QPRT: variants seen among roughly 807,000 people sequenced by gnomAD.
The protein encoded by QPRT is nicotinate-nucleotide pyrophosphorylase [carboxylating].
In QPRT, 17 loss-of-function variants were observed where a neutral mutation model predicts 19.8. The ratio of observed to expected loss-of-function variants is 0.86; its 90% CI spans 0.59 to 1.29. QPRT has a LOEUF of 1.29. Among genes scored for constraint, QPRT ranks in the 50% most tolerant of loss-of-function variants. The pLI is 0.00. For missense variants in QPRT, 336 were observed against 405.1 expected (o/e 0.83, Z 1.46); for synonymous variants, 178 against 191.0 (o/e 0.93, Z 0.56).
intron 1 of QPRT, among the ~76,000 whole-genome samples, chr16:29,680,956 T>A (rs62059025): frequency 0.37 from 55,585 of 151,298 alleles, 10,470 homozygotes; most frequent in Middle Eastern, 0.49. Flanking sequence ...AAAAGGAAAA[T>A]AAATAGTTCC....
rs757852504 is a variant in QPRT at position 29,695,026 on chromosome 16, A to AG, written c.382dup (p.Ala128GlyfsTer46). On this transcript the variant is annotated frameshift_variant, in exon 2 of 4. Transcript: ENST00000395384. LOFTEE classifies it high-confidence loss of function. ...TGCCGCCGCTGCAGTGGAGGCCGCC[A>AG]GGGGGGCCGGCTGGACTGGGCACGT... The AG allele has an allele frequency of 4.4e-6, 7 of 1,604,986 alleles. No homozygotes were observed. In the African/African-American group the frequency reaches 9.3e-5, roughly 21 times the overall value.
In QPRT at chr16:29,698,002, AAGAAAGAG is replaced by A. The variant is rs1218575146; in HGVS notation, c.*603_*610del. The A allele has an allele frequency of 1.3e-5, 2 of 150,594 alleles. No homozygotes were observed. The highest frequency in any genetic ancestry group is 2.4e-5 in the African/African-American group (1 of 41,046). The allele number at this position is 150,594 out of a possible 1,614,324, so 9.3% of individuals were successfully genotyped here. On this transcript the variant is annotated 3_prime_UTR_variant, in exon 4 of 4. Transcript: ENST00000395384. ...CTGTCTCCAAAGAAGAAACAAAGGA[AAGAAAGAG>A]AGAAAGAGAGAGGGAGGGAGGGAGG...
At chr16:29,690,176 C>A (rs1178447854) in intron 1 of QPRT, among the ~76,000 whole-genome samples, 1 of 152,212 alleles carries the variant, frequency 6.6e-6, no homozygotes, top group Non-Finnish European at 1.5e-5. Context: ...TGGCCTCCAG[C>A]GCCATCCATG....
At position 29,679,748 on chromosome 16, in the gene QPRT, G is replaced by T. The variant is rs1232223973; in HGVS notation, c.13+538G>T. On this transcript the variant is annotated intron_variant, in intron 1 of 3. Coordinates refer to ENST00000395384, the MANE Select transcript of QPRT (RefSeq NM_014298.6). Reference sequence around the variant, plus strand: ...GAGAAAAGACAAGTTAAGATTTAAAGCAGCCCCAGGGGGCCAGTTGCTAAA... The same window carrying T: ...GAGAAAAGACAAGTTAAGATTTAAATCAGCCCCAGGGGGCCAGTTGCTAAA... Among the ~76,000 whole-genome samples the T allele has an allele frequency of 3.9e-5, 6 of 152,240 alleles. No individual in the cohort carries two copies. In the East Asian group the frequency reaches 9.6e-4, roughly 24 times the overall value.
At chr16:29,688,076 A>G (rs1448677449) in intron 1 of QPRT, among the ~76,000 whole-genome samples, 2 of 152,132 alleles carry the variant, frequency 1.3e-5, no homozygotes, top group Admixed American at 6.6e-5. Flanking sequence ...AAATAGCAAA[A>G]ACATATTGCA....
intron 1 of QPRT, among the ~76,000 whole-genome samples, chr16:29,685,237 G>A (rs915566548): frequency 6.6e-6 from 1 of 152,070 alleles, no homozygotes; most frequent in Non-Finnish European, 1.5e-5. Flanking sequence ...TTGGAAGGCC[G>A]AGGCAGGTGG....
chr16:29,696,894 C>T, intron 2 of QPRT, 102 bp from the exon 3 acceptor site: 1 of 1,351,004 alleles, frequency 7.4e-7, no homozygotes, highest in South Asian at 1.5e-5. Context: ...GCCCCAGCTG[C>T]AGTGCTGGGC....
chr16:29,684,407 T>C (rs2142298502), intron 1 of QPRT, among the ~76,000 whole-genome samples: 1 of 152,314 alleles, frequency 6.6e-6, no homozygotes, highest in South Asian at 2.1e-4. Flanking sequence ...GCGATTCTCC[T>C]GCCTCAGCCT....
intron 1 of QPRT, among the ~76,000 whole-genome samples, chr16:29,690,614 C>T (rs1035011739): frequency 5.3e-5 from 8 of 151,988 alleles, no homozygotes; most frequent in African/African-American, 7.2e-5. Flanking sequence ...TGGGATCATA[C>T]GGCCTTTTGG....
In QPRT at chr16:29,694,955, G is replaced by C; in HGVS notation, c.305G>C (p.Arg102Pro). The C allele has an allele frequency of 6.2e-7, 1 of 1,610,960 alleles. No homozygotes were observed. Among genetic ancestry groups the C allele is most frequent in the Non-Finnish European group, 8.5e-7 (1 of 1,179,656 alleles). ...GCCCACTGCCTGCTGCTGGGGGAAC[G>C]GGTGGCCCTCAACACGCTGGCCCGC... ...GPAHCLLLGE[R>P]VALNTLARCS... Residue 102 changes from arginine (R) to proline (P), a missense_variant, in exon 2 of 4, where the codon CGG becomes CCG. Arg to Pro is a moderately radical substitution (Grantham distance 103). Transcript: ENST00000395384.
chr16:29,693,083 C>T (rs1221069069), intron 1 of QPRT, among the ~76,000 whole-genome samples: 2 of 151,048 alleles, frequency 1.3e-5, no homozygotes, highest in African/African-American at 4.9e-5. Flanking sequence ...AAAAAAATTA[C>T]ATCATAGAGA....
rs546148994 is a variant in QPRT, at chr16:29,686,691, A to G, written c.13+7481A>G. ...TTTTTATTTTTTGTATTTTTAGTAG[A>G]GACGGGGTTTCACCATCTTGGCCAG... On this transcript the variant is annotated intron_variant, in intron 1 of 3. Coordinates refer to ENST00000395384, the MANE Select transcript of QPRT (RefSeq NM_014298.6). Among the ~76,000 whole-genome samples the G allele has an allele frequency of 4.6e-5, 7 of 152,036 alleles. No homozygotes were observed. In the South Asian group the frequency reaches 1.5e-3, roughly 32 times the overall value.
At chr16:29,680,594 G>T (rs771652561) in intron 1 of QPRT, among the ~76,000 whole-genome samples, 104 of 152,266 alleles carry the variant, frequency 6.8e-4, no homozygotes, top group Non-Finnish European at 1.2e-3. Flanking sequence ...ACCATGGGTG[G>T]GTCCTGGCTT....
intron 1 of QPRT, among the ~76,000 whole-genome samples, chr16:29,691,530 A>G (rs562371808): frequency 2.0e-5 from 3 of 152,110 alleles, no homozygotes; most frequent in South Asian, 4.2e-4. Context: ...CAAAAAATAT[A>G]CAAAAATTAG....
Position 29,688,589 on chromosome 16 carries a change from G to C in QPRT, c.14-6075G>C, listed in dbSNP as rs141543976. Among the ~76,000 whole-genome samples the C allele has an allele frequency of 7.0e-3, 1,063 of 152,040 alleles. 16 individuals are homozygous for C. Among genetic ancestry groups the C allele is most frequent in the African/African-American group, 0.024 (1,000 of 41,442 alleles). On this transcript the variant is annotated intron_variant, in intron 1 of 3. Transcript: ENST00000395384. The stretch of plus-strand genomic sequence containing the variant: ...GGCTGGAGTACAGTGGTGCTATCTC[G>C]GCTCACTGCAAACTCTGCCTCCTAG...
chr16:29,697,465 C>A lies in QPRT; in HGVS notation c.*54C>A. The stretch of plus-strand genomic sequence containing the variant: ...CATGGGTTAACGTGGCTCCTCAGGA[C>A]CCTCTGGGTCACACATCTTTAGGGT... On this transcript the variant is annotated 3_prime_UTR_variant, in exon 4 of 4. Transcript: ENST00000395384. The surrounding 1 kb of genome is among the most constrained non-coding windows in gnomAD (Gnocchi z 4.4). 1 of 1,528,774 alleles carries A rather than the reference C, an allele frequency of 6.5e-7. No individual in the cohort carries two copies. The highest frequency in any genetic ancestry group is 8.9e-7 in the Non-Finnish European group (1 of 1,125,884). The allele number at this position is 1,528,774 out of a possible 1,614,324, so 94.7% of individuals were successfully genotyped here.
chr16:29,684,640 C>T (rs986268798), intron 1 of QPRT, among the ~76,000 whole-genome samples: 1 of 152,192 alleles, frequency 6.6e-6, no homozygotes, highest in Non-Finnish European at 1.5e-5. Flanking sequence ...AGCCACCGCG[C>T]CTGGCCACGG....
chr16:29,684,026 C>T (rs1967089156), intron 1 of QPRT, among the ~76,000 whole-genome samples: 1 of 152,210 alleles, frequency 6.6e-6, no homozygotes, highest in South Asian at 2.1e-4. Flanking sequence ...CTTCTATTTA[C>T]TTCTGCTCAC....
At chr16:29,686,427 C>T (rs557789266) in intron 1 of QPRT, among the ~76,000 whole-genome samples, 4 of 152,312 alleles carry the variant, frequency 2.6e-5, no homozygotes, top group Admixed American at 6.5e-5. Context: ...ACTTGAGAAA[C>T]GCTTCTTTTC....
Sources: gnomAD v4.1 joint callset for allele counts (sites outside exome capture counted in the v4.1 genomes callset) on GRCh38, gnomAD v4.1.1 for gene constraint, Gnocchi (gnomAD v3.1) non-coding constraint, MANE v1.5 for transcripts, NCBI Gene and HGNC (gene_info 2026-07-23, HGNC 2026-07-21) for gene names.